Variants in SLC35F3 observed in about 807,000 individuals in gnomAD.
SLC35F3 encodes putative thiamine transporter SLC35F3.
Under a neutral mutation model 49.9 loss-of-function variants are expected in SLC35F3, and 25 were observed. That is an observed-to-expected ratio of 0.50 (90% CI 0.37 to 0.70). SLC35F3 has a LOEUF of 0.70. Among genes scored for constraint, SLC35F3 ranks in the 30% least tolerant of loss-of-function variants. The pLI is 0.00. For synonymous variants in SLC35F3, 275 were observed against 265.4 expected, an observed-to-expected ratio of 1.04 and a Z score of -0.35; for missense variants, 525 against 639.8, an observed-to-expected ratio of 0.82 and a Z score of 1.94.
chr1:233,967,502 T>G (rs904263889), intron 2 of SLC35F3, among the ~76,000 whole-genome samples: 1 of 152,210 alleles, frequency 6.6e-6, no homozygotes, highest in Non-Finnish European at 1.5e-5. Flanking sequence ...TAAAATAAAT[T>G]TGACTTTGAA....
intron 3 of SLC35F3, among the ~76,000 whole-genome samples, chr1:234,296,819 T>G (rs973845318): frequency 2.6e-5 from 4 of 152,252 alleles, no homozygotes; most frequent in African/African-American, 9.6e-5. Flanking sequence ...TCTGTGCTTC[T>G]CCACGTTCCC....
At chr1:233,906,803 C>T (rs959131321) in intron 2 of SLC35F3, among the ~76,000 whole-genome samples, 3 of 152,140 alleles carry the variant, frequency 2.0e-5, no homozygotes, top group Non-Finnish European at 4.4e-5. Context: ...ACCTGCGAGT[C>T]CAAGGCAAAG....
chr1:234,319,506 C>A (rs1327659843), intron 6 of SLC35F3, among the ~76,000 whole-genome samples: 2 of 151,996 alleles, frequency 1.3e-5, no homozygotes, highest in African/African-American at 4.8e-5. Flanking sequence ...AGTTCGAGAC[C>A]AGCCTGGGAA....
Position 234,247,813 on chromosome 1 carries a change from T to TG in SLC35F3, c.608+16072_608+16073insG, listed in dbSNP as rs1667661987. Among the ~76,000 whole-genome samples, 2 of 150,996 alleles carry TG rather than the reference T, an allele frequency of 1.3e-5. 1 individual carries two copies. The highest frequency in any genetic ancestry group is 1.3e-4 in the Admixed American group (2 of 15,182). ...TGGGTTGGTTGGCTGGTCCATTGTT[T>TG]CATGGGTCAGTTGGCTGGTGCATTG... On this transcript the variant is annotated intron_variant, in intron 3 of 7. Coordinates refer to ENST00000366618, the MANE Select transcript of SLC35F3 (RefSeq NM_173508.4).
intron 2 of SLC35F3, among the ~76,000 whole-genome samples, chr1:234,039,276 G>A (rs1243863157): frequency 6.6e-6 from 1 of 152,194 alleles, no homozygotes; most frequent in Non-Finnish European, 1.5e-5. Flanking sequence ...CCAGACAGGA[G>A]AGTATCCTCG....
intron 2 of SLC35F3, among the ~76,000 whole-genome samples, chr1:234,019,557 T>A (rs10910327): frequency 1.3e-5 from 2 of 152,152 alleles, no homozygotes; most frequent in Non-Finnish European, 2.9e-5. Flanking sequence ...GGGGTTTTTT[T>A]CCTCAAGGCC....
intron 2 of SLC35F3, among the ~76,000 whole-genome samples, chr1:234,107,438 G>A (rs1665301147): frequency 6.6e-6 from 1 of 152,004 alleles, no homozygotes; most frequent in Non-Finnish European, 1.5e-5. Flanking sequence ...TGATTCTGGA[G>A]GCTGGAAGTC....
intron 2 of SLC35F3, among the ~76,000 whole-genome samples, chr1:233,942,771 C>G (rs1158792607): frequency 6.6e-6 from 1 of 152,180 alleles, no homozygotes; most frequent in Non-Finnish European, 1.5e-5. Flanking sequence ...ACTCTAGGCT[C>G]TATGTTGTAC....
intron 2 of SLC35F3, among the ~76,000 whole-genome samples, chr1:233,926,503 C>G (rs1370753217): frequency 6.6e-6 from 1 of 152,122 alleles, no homozygotes; most frequent in African/African-American, 2.4e-5. Flanking sequence ...AAGGTCTTCT[C>G]TATGCTGTTT....
rs979029844 is a variant in SLC35F3, at chr1:234,027,546, C to T, written c.283+121788C>T. On this transcript the variant is annotated intron_variant, in intron 2 of 7. Coordinates refer to ENST00000366618, the MANE Select transcript of SLC35F3 (RefSeq NM_173508.4). The surrounding 1 kb of genome is among the most constrained non-coding windows in gnomAD (Gnocchi z 4.1). ...AGAATGGAGAGTGGGGTCTTAGACT[C>T]GCAATAGGTAGGCTAGAAGGCTGTT... 2.0e-5 allele frequency among the ~76,000 whole-genome samples: 3 copies of T among 152,030 alleles called. No homozygotes were observed. The highest frequency in any genetic ancestry group is 4.4e-5 in the Non-Finnish European group (3 of 68,024).
intron 2 of SLC35F3, among the ~76,000 whole-genome samples, chr1:233,962,203 A>G (rs921942503): frequency 1.3e-5 from 2 of 152,224 alleles, no homozygotes; most frequent in African/African-American, 4.8e-5. Flanking sequence ...AAGACCTACC[A>G]TTTATATAAT....
At chr1:234,148,741 G>T (rs528564243) in intron 2 of SLC35F3, among the ~76,000 whole-genome samples, 1 of 152,340 alleles carries the variant, frequency 6.6e-6, no homozygotes, top group South Asian at 2.1e-4. Context: ...CTAAGCAGGT[G>T]ATTTGAACTA....
At chr1:233,962,202 C>A (rs185026916) in intron 2 of SLC35F3, among the ~76,000 whole-genome samples, 1 of 152,276 alleles carries the variant, frequency 6.6e-6, no homozygotes, top group Admixed American at 6.5e-5. Flanking sequence ...AAAGACCTAC[C>A]ATTTATATAA....
At chr1:234,298,326 T>G (rs560145) in intron 3 of SLC35F3, among the ~76,000 whole-genome samples, 1 of 152,070 alleles carries the variant, frequency 6.6e-6, no homozygotes, top group Admixed American at 6.6e-5. Flanking sequence ...AAAAGAACCA[T>G]GTCCAGATCT....
intron 2 of SLC35F3, among the ~76,000 whole-genome samples, chr1:234,054,912 C>G (rs1384637881): frequency 2.0e-5 from 3 of 152,172 alleles, no homozygotes; most frequent in Non-Finnish European, 2.9e-5. Flanking sequence ...GAGGTCCACT[C>G]CAGATGCTGT....
chr1:234,274,666 G>A (rs1668170628), intron 3 of SLC35F3, among the ~76,000 whole-genome samples: 3 of 152,182 alleles, frequency 2.0e-5, no homozygotes, highest in Non-Finnish European at 4.4e-5. Flanking sequence ...ACTTGGAAAA[G>A]CCATCCAAGC....
At chr1:234,152,383 TA>T (rs1666089725) in intron 2 of SLC35F3, among the ~76,000 whole-genome samples, 1 of 152,090 alleles carries the variant, frequency 6.6e-6, no homozygotes, top group South Asian at 2.1e-4. Flanking sequence ...ATCTCTCCCC[TA>T]GCCTCCCATC....
In SLC35F3 at chr1:234,040,007, A is replaced by T. The variant is rs1182714521; in HGVS notation, c.283+134249A>T. On this transcript the variant is annotated intron_variant, in intron 2 of 7. Transcript: ENST00000366618. ...TTGACAGCCTTTTTTGGGTACCAGC[A>T]CTTGGTGGGTCCCAAATTCTTGTCC... Among the ~76,000 whole-genome samples the T allele has an allele frequency of 2.0e-5, 3 of 152,300 alleles. No individual in the cohort carries two copies. The East Asian group carries it at 5.8e-4, about 29-fold the overall frequency.
intron 2 of SLC35F3, among the ~76,000 whole-genome samples, chr1:234,075,735 G>A (rs1020446539): frequency 6.6e-6 from 1 of 151,404 alleles, no homozygotes; most frequent in African/African-American, 2.5e-5. Flanking sequence ...AAAATAAGCT[G>A]GAAGCTGAGT....
Sources: allele counts gnomAD v4.1 joint callset (sites outside exome capture counted in the v4.1 genomes callset), GRCh38; gene constraint gnomAD v4.1.1; non-coding constraint Gnocchi (gnomAD v3.1); transcripts MANE v1.5; gene names NCBI Gene and HGNC (gene_info 2026-07-23, HGNC 2026-07-21).